VPS13A: variants seen among roughly 807,000 people sequenced by gnomAD.
The protein encoded by VPS13A is intermembrane lipid transfer protein VPS13A.
Under a neutral mutation model 390.9 loss-of-function variants are expected in VPS13A, and 264 were observed. The ratio of observed to expected loss-of-function variants is 0.68; its 90% CI spans 0.61 to 0.75. VPS13A has a LOEUF of 0.75. Among genes scored for constraint, VPS13A ranks in the 30% least tolerant of loss-of-function variants. VPS13A has a pLI of 0.00. For missense variants in VPS13A, 3,409 were observed against 3,733.9 expected, an observed-to-expected ratio of 0.91 and a Z score of 2.27; for synonymous variants, 1,231 against 1,227.1, an observed-to-expected ratio of 1.00 and a Z score of -0.07.
intron 3 of VPS13A, among the ~76,000 whole-genome samples, chr9:77,202,850 TTGTGTACCTC>T (rs1268188478): frequency 6.6e-6 from 1 of 152,218 alleles, no homozygotes; most frequent in Non-Finnish European, 1.5e-5. Context: ...ATTTAAGGTG[TTGTGTACCTC>T]TGTCGTAGCA....
rs761923202 is a variant in VPS13A, at chr9:77,226,546, G to T, written c.1305G>T (p.Trp435Cys). 6.2e-7 allele frequency: 1 copy of T among 1,613,198 alleles called. No homozygotes were observed. The highest frequency in any genetic ancestry group is 8.5e-7 in the Non-Finnish European group (1 of 1,179,478). ...EDNKGWFSWL[W>C]SWSEQNTNEQ... ...ATAAAGGGTGGTTTAGCTGGCTATGGTCTTGGTCAGAACAAAATACTAATG... is the reference window on the plus strand; with the variant it reads ...ATAAAGGGTGGTTTAGCTGGCTATGTTCTTGGTCAGAACAAAATACTAATG... The change falls in exon 15 of 72, where the codon TGG becomes TGT. Residue 435 changes from tryptophan to cysteine, a missense_variant. Physicochemically the swap from Trp to Cys is radical, Grantham distance 215. Around this residue, in one of 5 missense-constraint regions of VPS13A, gnomAD observed 2,717 missense variants for 2,917.4 expected, o/e 0.93. Coordinates refer to ENST00000360280, the MANE Select transcript of VPS13A (RefSeq NM_033305.3).
At chr9:77,302,077 C>G (rs1178937115) in intron 33 of VPS13A, among the ~76,000 whole-genome samples, 1 of 151,954 alleles carries the variant, frequency 6.6e-6, no homozygotes, top group Admixed American at 6.6e-5. Flanking sequence ...TCTGCCTCAG[C>G]CTCTCAAGTA....
At position 77,353,051 on chromosome 9, in the gene VPS13A, A is replaced by G. The variant is rs532532434; in HGVS notation, c.7420-358A>G. Among the ~76,000 whole-genome samples, 13 of 152,240 alleles carry G rather than the reference A, an allele frequency of 8.5e-5. No individual in the cohort carries two copies. The South Asian group carries it at 2.5e-3, about 29-fold the overall frequency. ...GAAAGGAAATGTGAATTTCAAACTG[A>G]AACAACTTTTAATACATATCACATT... On this transcript the variant is annotated intron_variant, in intron 53 of 71. Transcript: ENST00000360280.
chr9:77,372,113 C>T (rs939827257), intron 67 of VPS13A, among the ~76,000 whole-genome samples: 6 of 151,416 alleles, frequency 4.0e-5, no homozygotes, highest in Admixed American at 2.0e-4. Context: ...AATAAACATA[C>T]GTGTGCGTGT....
At chr9:77,415,697 A>T (rs934215536) in intron 71 of VPS13A, among the ~76,000 whole-genome samples, 11 of 152,140 alleles carry the variant, frequency 7.2e-5, no homozygotes, top group African/African-American at 2.7e-4. Context: ...AGGCTGGCTC[A>T]TTTCACTTAA....
chr9:77,321,559 A>C lies in VPS13A; in HGVS notation c.5643A>C (p.Leu1881Phe). 6.2e-7 allele frequency: 1 copy of C among 1,613,508 alleles called. No individual in the cohort carries two copies. Among genetic ancestry groups the C allele is most frequent in the Non-Finnish European group, 8.5e-7 (1 of 1,179,632 alleles). The change falls in exon 44 of 72, where the codon TTA (leucine) becomes TTC (phenylalanine). Residue 1881 changes from leucine (L) to phenylalanine (F), a missense_variant. Physicochemically the swap from Leu to Phe is conservative, Grantham distance 22. Transcript: ENST00000360280. Reference sequence around the variant, plus strand: ...AGGATCTAGCACCATTTATGATTTTAAATTCCCTTGGACTTACTATTTCTG... The same window carrying C: ...AGGATCTAGCACCATTTATGATTTTCAATTCCCTTGGACTTACTATTTCTG... ...FVKDLAPFMILNSLGLTISVS... is the reference protein window; with the variant it reads ...FVKDLAPFMIFNSLGLTISVS...
At chr9:77,364,739 C>T (rs1832342729) in intron 59 of VPS13A, among the ~76,000 whole-genome samples, 1 of 152,120 alleles carries the variant, frequency 6.6e-6, no homozygotes, top group African/African-American at 2.4e-5. Context: ...ATAGATGTTT[C>T]TTCATTTGCT....
intron 68 of VPS13A, among the ~76,000 whole-genome samples, chr9:77,401,935 T>A (rs1369745167): frequency 6.6e-6 from 1 of 152,178 alleles, no homozygotes; most frequent in Non-Finnish European, 1.5e-5. Context: ...AAATTAAACT[T>A]TATCATAGGT....
In VPS13A at chr9:77,318,589, G is replaced by A; in HGVS notation, c.5311G>A (p.Glu1771Lys). Residue 1771 changes from glutamate (E) to lysine (K), a missense_variant and splice_region_variant, in exon 41 of 72, where the codon GAA (glutamate) becomes AAA (lysine). Transcript: ENST00000360280. ...AAATCTGCACTGTCAGCTTGAGCTA[G>A]AAGTAAGCATATTTTTCCAGTTTTA... Reference protein sequence around the residue: ...LINLHCQLELEVHYYNEMFGV... With the variant: ...LINLHCQLELKVHYYNEMFGV... 1 of 1,611,702 alleles carries A rather than the reference G, an allele frequency of 6.2e-7. No homozygotes were observed. The highest frequency in any genetic ancestry group is 8.5e-7 in the Non-Finnish European group (1 of 1,178,030).
chr9:77,344,532 C>T (rs574582959), intron 51 of VPS13A, among the ~76,000 whole-genome samples: 201 of 152,048 alleles, frequency 1.3e-3, no homozygotes, highest in Non-Finnish European at 1.7e-3. Flanking sequence ...CCGAGGCAGG[C>T]GGATCAGGAG....
chr9:77,257,988 A>G (rs944461159), intron 22 of VPS13A, among the ~76,000 whole-genome samples: 4 of 152,238 alleles, frequency 2.6e-5, no homozygotes, highest in African/African-American at 9.6e-5. Flanking sequence ...CATTTGCTTT[A>G]TACTCATCCA....
Position 77,227,440 on chromosome 9 carries a change from A to T in VPS13A, c.1407A>T (p.Ala469=), listed in dbSNP as rs1363192585. 2 of 1,613,720 alleles carry T rather than the reference A, an allele frequency of 1.2e-6. No homozygotes were observed. The highest frequency in any genetic ancestry group is 2.2e-5 in the South Asian group (2 of 91,072). Residue 469 remains alanine (A), a synonymous_variant, in exon 16 of 72, where the codon GCA becomes GCT. Transcript: ENST00000360280. ...TPEEKALLYE[A]IGYSETAVDP... Reference sequence around the variant, plus strand: ...AAGAAAAAGCTTTACTCTATGAAGCAATTGGCTATAGTGAAACAGCAGTTG... The same window carrying T: ...AAGAAAAAGCTTTACTCTATGAAGCTATTGGCTATAGTGAAACAGCAGTTG...
chr9:77,217,056 A>G (rs1213516475), intron 10 of VPS13A, among the ~76,000 whole-genome samples: 1 of 152,136 alleles, frequency 6.6e-6, no homozygotes, highest in Non-Finnish European at 1.5e-5. Context: ...CACACCCAGG[A>G]ACAGAAGTTG....
In VPS13A at chr9:77,308,047, C is replaced by T; in HGVS notation, c.4063C>T (p.Gln1355Ter). Reference protein sequence around the residue: ...GSASPAVTKDQYSATSGVTTN... With the variant: ...GSASPAVTKD ...TGCCTCACCTGCTGTAACAAAAGAC[C>T]AATACAGTGCCACTAGTGGAGTTAC... Residue 1355 changes from glutamine (Q) to a stop codon, truncating the protein, a stop_gained, in exon 35 of 72, where the codon CAA becomes TAA. Coordinates refer to ENST00000360280, the MANE Select transcript of VPS13A (RefSeq NM_033305.3). LOFTEE classifies it high-confidence loss of function. The T allele has an allele frequency of 6.2e-7, 1 of 1,613,772 alleles. No homozygotes were observed. Among genetic ancestry groups the T allele is most frequent in the Admixed American group, 1.7e-5 (1 of 59,994 alleles).
intron 67 of VPS13A, among the ~76,000 whole-genome samples, chr9:77,379,277 G>A (rs893136563): frequency 2.1e-5 from 3 of 141,632 alleles, no homozygotes; most frequent in African/African-American, 5.3e-5. Context: ...TTTCACTCTT[G>A]TTGCCCAGGC....
chr9:77,401,375 A>G (rs1046519741), intron 68 of VPS13A, among the ~76,000 whole-genome samples: 190 of 121,082 alleles, frequency 1.6e-3, no homozygotes, highest in African/African-American at 5.7e-3. Context: ...GTGTGTGTGT[A>G]AAAATTGGGA....
intron 17 of VPS13A, among the ~76,000 whole-genome samples, chr9:77,228,930 G>C (rs1823669331): frequency 1.4e-5 from 2 of 144,512 alleles, no homozygotes; most frequent in South Asian, 4.5e-4. Context: ...AGAACAGTAT[G>C]GGGAAGCCAC....
intron 13 of VPS13A, 66 bp downstream of exon 13, chr9:77,221,422 C>T (rs1230646016): frequency 6.5e-7 from 1 of 1,532,110 alleles, no homozygotes; most frequent in African/African-American, 1.4e-5. Context: ...TCTTCAGTGA[C>T]TGATACTCCC....
chr9:77,207,223 A>ATG (rs1825694452), intron 5 of VPS13A, among the ~76,000 whole-genome samples: 4 of 84,582 alleles, frequency 4.7e-5, no homozygotes, highest in Non-Finnish European at 9.8e-5. Context: ...TTATATATAT[A>ATG]TATATATATA....
Sources: allele counts gnomAD v4.1 joint callset (sites outside exome capture counted in the v4.1 genomes callset), GRCh38; gene constraint gnomAD v4.1.1; regional missense constraint gnomAD v4.1.1; transcripts MANE v1.5; gene names NCBI Gene and HGNC (gene_info 2026-07-23, HGNC 2026-07-21).